VCF1: variants seen among roughly 807,000 people sequenced by gnomAD.
VCF1 encodes the protein VCP nuclear cofactor family member 1.
chr17:73,222,089 T>C, the VCF1 span, among the ~76,000 whole-genome samples: 2 of 149,418 alleles, frequency 1.3e-5, no homozygotes, highest in South Asian at 2.1e-4. Context: ...CACCTGTAGT[T>C]TGGGAGGCTG....
chr17:73,225,895 ATATATT>A, the VCF1 span, among the ~76,000 whole-genome samples: 2 of 72,472 alleles, frequency 2.8e-5, no homozygotes, highest in South Asian at 1.1e-3. Context: ...ATATATATAT[ATATATT>A]TTTTTTTTTT....
At chr17:73,219,506 C>T in the VCF1 span, among the ~76,000 whole-genome samples, 4 of 150,504 alleles carry the variant, frequency 2.7e-5, no homozygotes, top group East Asian at 4.0e-4. Context: ...AAAAATTAGC[C>T]GGGTGTGGTG....
the VCF1 span, among the ~76,000 whole-genome samples, chr17:73,215,559 C>T: frequency 6.6e-6 from 1 of 152,206 alleles, no homozygotes; most frequent in South Asian, 2.1e-4. Flanking sequence ...CAAGTGTAAG[C>T]CACTGCACCT....
At chr17:73,209,169 T>C in the VCF1 span, 1 of 241,712 alleles carries the variant, frequency 4.1e-6, no homozygotes, top group South Asian at 8.2e-5. Context: ...CCCGCATTTT[T>C]AAAAGGCCCT....
At chr17:73,220,685 T>C in the VCF1 span, among the ~76,000 whole-genome samples, 2 of 150,862 alleles carry the variant, frequency 1.3e-5, no homozygotes, top group African/African-American at 2.5e-5. Context: ...CCTCAGGTGA[T>C]CCACCTGCCT....
At chr17:73,220,817 G>C in the VCF1 span, among the ~76,000 whole-genome samples, 2 of 146,134 alleles carry the variant, frequency 1.4e-5, no homozygotes, top group Admixed American at 6.8e-5. Context: ...AAATGGTCTT[G>C]TTAAGCTAAG....
At chr17:73,225,346 C>A in the VCF1 span, among the ~76,000 whole-genome samples, 2 of 151,772 alleles carry the variant, frequency 1.3e-5, no homozygotes, top group African/African-American at 2.4e-5. Context: ...CATTTTGTAC[C>A]AAAAACTAAA....
chr17:73,208,181 C>G, the VCF1 span: 1 of 1,556,642 alleles, frequency 6.4e-7, no homozygotes, highest in Non-Finnish European at 8.6e-7. Context: ...GCAAAGTCCT[C>G]TGACTAGAGC....
At chr17:73,219,001 C>A in the VCF1 span, among the ~76,000 whole-genome samples, 4 of 151,162 alleles carry the variant, frequency 2.6e-5, no homozygotes, top group Admixed American at 6.6e-5. Flanking sequence ...GCCTGGATGG[C>A]AGAGCGAGAC....
At chr17:73,229,224 G>C in the VCF1 span, 3 of 985,440 alleles carry the variant, frequency 3.0e-6, no homozygotes, top group East Asian at 3.4e-4. Context: ...ACCAGATTAA[G>C]AAAGAGTCCT....
the VCF1 span, among the ~76,000 whole-genome samples, chr17:73,226,693 TC>T: frequency 6.6e-6 from 1 of 152,200 alleles, no homozygotes; most frequent in Admixed American, 6.5e-5. Flanking sequence ...CCACAGGAGC[TC>T]TTTTCACAAC....
chr17:73,212,822 A>G, the VCF1 span: 6 of 944,592 alleles, frequency 6.4e-6, no homozygotes, highest in Non-Finnish European at 8.1e-6. Context: ...GTACTATAAT[A>G]GCACAAGGGT....
the VCF1 span, among the ~76,000 whole-genome samples, chr17:73,221,926 C>T: frequency 6.7e-6 from 1 of 149,354 alleles, no homozygotes; most frequent in African/African-American, 2.5e-5. Flanking sequence ...CCCAGCTACT[C>T]GGGAGGCTGA....
the VCF1 span, chr17:73,209,442 A>G: frequency 6.8e-7 from 1 of 1,475,854 alleles, no homozygotes; most frequent in Middle Eastern, 2.3e-4. Context: ...TTTCGTGTGC[A>G]ATTTTTCTTT....
the VCF1 span, chr17:73,208,895 T>C: frequency 3.4e-6 from 1 of 290,794 alleles, no homozygotes; most frequent in Non-Finnish European, 6.7e-6. Flanking sequence ...AAAGACATTC[T>C]CTCTGGAAAT....
At chr17:73,231,379 A>G in the VCF1 span, among the ~76,000 whole-genome samples, 4 of 152,172 alleles carry the variant, frequency 2.6e-5, no homozygotes, top group Admixed American at 6.5e-5. Flanking sequence ...CTAGTAGTAC[A>G]TGTCAAGCAC....
chr17:73,215,384 A>G, the VCF1 span, among the ~76,000 whole-genome samples: 6 of 152,194 alleles, frequency 3.9e-5, no homozygotes, highest in Non-Finnish European at 8.8e-5. Context: ...CCATGCTCAA[A>G]CGATCCTCCT....
chr17:73,219,340 T>C, the VCF1 span, among the ~76,000 whole-genome samples: 1 of 152,060 alleles, frequency 6.6e-6, no homozygotes, highest in African/African-American at 2.4e-5. Flanking sequence ...TTCCTCCCTT[T>C]TGAATGGATC....
chr17:73,212,520 T>C, the VCF1 span, among the ~76,000 whole-genome samples: 3 of 152,246 alleles, frequency 2.0e-5, no homozygotes, highest in Non-Finnish European at 4.4e-5. Context: ...CAGCTGCAAC[T>C]GTATTTACTT....
Sources: allele counts gnomAD v4.1 joint callset (sites outside exome capture counted in the v4.1 genomes callset), GRCh38; gene constraint gnomAD v4.1.1; transcripts MANE v1.5; gene names NCBI Gene and HGNC (gene_info 2026-07-23, HGNC 2026-07-21).